ABCC1: variants seen among roughly 807,000 people sequenced by gnomAD.
ABCC1 encodes the protein multidrug resistance-associated protein 1.
Under a neutral mutation model 172.9 loss-of-function variants are expected in ABCC1, and 83 were observed. The observed-to-expected ratio is 0.48, with a 90% confidence interval of 0.40 to 0.58. The LOEUF (loss-of-function observed/expected upper bound fraction) is 0.58. Ranked by LOEUF, ABCC1 falls within the 20% of genes least tolerant of loss-of-function variation. The probability of loss-of-function intolerance (pLI) is 0.00; values close to 1 mark genes in which losing one functional copy is unlikely to be tolerated. For synonymous variants in ABCC1, 937 were observed against 825.2 expected (o/e 1.14, Z -2.32); for missense variants, 1,817 against 2,002.7 (o/e 0.91, Z 1.77).
At chr16:15,964,578 G>A (rs963112130) in intron 1 of ABCC1, among the ~76,000 whole-genome samples, 5 of 151,402 alleles carry the variant, frequency 3.3e-5, no homozygotes, top group Admixed American at 3.3e-4. Flanking sequence ...ATGTATTCTT[G>A]TATTTTTTCT....
chr16:16,103,680 T>C (rs1318148206), intron 20 of ABCC1, among the ~76,000 whole-genome samples: 7 of 151,884 alleles, frequency 4.6e-5, no homozygotes, highest in African/African-American at 1.5e-4. Context: ...ACCGCGGAGA[T>C]CTGAGAAAGG....
chr16:15,980,054 C>T (rs1555474487), intron 1 of ABCC1, among the ~76,000 whole-genome samples: 1 of 152,060 alleles, frequency 6.6e-6, no homozygotes, highest in Non-Finnish European at 1.5e-5. Flanking sequence ...GAAAAAATAA[C>T]ATATAAAATA....
intron 23 of ABCC1, among the ~76,000 whole-genome samples, chr16:16,119,518 C>T (rs1454056725): frequency 2.6e-5 from 4 of 151,992 alleles, no homozygotes; most frequent in African/African-American, 9.7e-5. Flanking sequence ...TGGTGAAACC[C>T]CATCTCTACT....
chr16:16,074,410 T>C (rs1468985613), intron 14 of ABCC1, among the ~76,000 whole-genome samples: 3 of 152,154 alleles, frequency 2.0e-5, no homozygotes, highest in Admixed American at 6.6e-5. Flanking sequence ...CCATCTACTC[T>C]GGGGTCAAAT....
chr16:16,097,388 C>T (rs1214932268), intron 19 of ABCC1, among the ~76,000 whole-genome samples: 2 of 152,242 alleles, frequency 1.3e-5, no homozygotes, highest in Non-Finnish European at 2.9e-5. Context: ...GCTGGGATTA[C>T]AGGCATGAGC....
intron 27 of ABCC1, among the ~76,000 whole-genome samples, chr16:16,133,844 C>G (rs1211981689): frequency 1.3e-5 from 2 of 152,162 alleles, no homozygotes; most frequent in Non-Finnish European, 2.9e-5. Flanking sequence ...TCAGGAACAT[C>G]ATCCTTTGGC....
At chr16:16,032,608 T>C (rs1262214881) in intron 5 of ABCC1, among the ~76,000 whole-genome samples, 4 of 152,214 alleles carry the variant, frequency 2.6e-5, no homozygotes, top group Admixed American at 6.5e-5. Flanking sequence ...TGCAAGTATA[T>C]AAGCTCTTGG....
intron 21 of ABCC1, 65 bp from the exon 22 acceptor site, chr16:16,111,310 G>GTAGGGC: frequency 7.8e-7 from 1 of 1,285,178 alleles, no homozygotes; most frequent in Non-Finnish European, 1.1e-6. Context: ...CCCCGACCTT[G>GTAGGGC]TGGGGCTGGG....
intron 1 of ABCC1, among the ~76,000 whole-genome samples, chr16:15,997,378 A>G (rs908978569): frequency 6.6e-6 from 1 of 152,150 alleles, no homozygotes; most frequent in Non-Finnish European, 1.5e-5. Context: ...GGCGTGAGCC[A>G]CCGCGCCCAG....
At chr16:16,140,112 G>A (rs2152185599) in intron 30 of ABCC1, among the ~76,000 whole-genome samples, 1 of 152,368 alleles carries the variant, frequency 6.6e-6, no homozygotes. Context: ...ATTCTAGGCA[G>A]CCGGTACAGC....
chr16:16,002,237 A>C (rs1268040664), intron 1 of ABCC1, among the ~76,000 whole-genome samples: 1 of 152,174 alleles, frequency 6.6e-6, no homozygotes, highest in African/African-American at 2.4e-5. Context: ...TAAGAGAAAA[A>C]AGCAAAGTAC....
chr16:15,995,693 G>A (rs2047031800), intron 1 of ABCC1, among the ~76,000 whole-genome samples: 1 of 152,184 alleles, frequency 6.6e-6, no homozygotes, highest in African/African-American at 2.4e-5. Context: ...TTTGAGACAG[G>A]GTCTCAGTCT....
intron 7 of ABCC1, among the ~76,000 whole-genome samples, chr16:16,039,424 C>G (rs892803992): frequency 6.6e-6 from 1 of 151,212 alleles, no homozygotes; most frequent in Non-Finnish European, 1.5e-5. Flanking sequence ...CATGCCACCA[C>G]GCCTGACTAA....
At chr16:16,084,641 T>G (rs1337107444) in intron 17 of ABCC1, among the ~76,000 whole-genome samples, 1 of 149,838 alleles carries the variant, frequency 6.7e-6, no homozygotes, top group Non-Finnish European at 1.5e-5. Flanking sequence ...TTTTTTTTTT[T>G]TTGAAATGGA....
intron 26 of ABCC1, among the ~76,000 whole-genome samples, chr16:16,131,382 A>G (rs1345071966): frequency 2.6e-5 from 4 of 152,158 alleles, no homozygotes; most frequent in African/African-American, 9.7e-5. Context: ...GTTTATGTTC[A>G]TAAATGTGTG....
chr16:16,068,914 G>A (rs998402730), intron 13 of ABCC1, among the ~76,000 whole-genome samples: 1 of 151,510 alleles, frequency 6.6e-6, no homozygotes, highest in Admixed American at 6.6e-5. Context: ...TTGAGCCCAG[G>A]AGGAAGAGGT....
intron 3 of ABCC1, among the ~76,000 whole-genome samples, chr16:16,011,509 A>G (rs2047784395): frequency 6.6e-6 from 1 of 152,152 alleles, no homozygotes; most frequent in Non-Finnish European, 1.5e-5. Flanking sequence ...AGTCAGAGTC[A>G]TACTCTGTTG....
At chr16:15,976,731 A>G (rs1221137334) in intron 1 of ABCC1, among the ~76,000 whole-genome samples, 3 of 152,186 alleles carry the variant, frequency 2.0e-5, no homozygotes, top group African/African-American at 4.8e-5. Context: ...TGATAATACT[A>G]TGGTAGAAGT....
At chr16:16,009,647 T>A in intron 2 of ABCC1, 129 bp from the exon 3 acceptor site, 3 of 1,007,192 alleles carry the variant, frequency 3.0e-6, no homozygotes, top group Non-Finnish European at 4.2e-6. Flanking sequence ...ATGTGCCATG[T>A]CCTAGGACTG....
Sources: allele counts gnomAD v4.1 joint callset (sites outside exome capture counted in the v4.1 genomes callset), GRCh38; gene constraint gnomAD v4.1.1; transcripts MANE v1.5; gene names NCBI Gene and HGNC (gene_info 2026-07-23, HGNC 2026-07-21).